The following ELMO1 variants were observed in gnomAD, a reference collection of about 807,000 sequenced individuals.
ELMO1 encodes the protein engulfment and cell motility 1, also known as engulfment and cell motility protein 1.
Under a neutral mutation model 98.9 loss-of-function variants are expected in ELMO1, and 26 were observed. The observed-to-expected ratio is 0.26, with a 90% CI of 0.19 to 0.36. The LOEUF (loss-of-function observed/expected upper bound fraction) is 0.36, where lower values mean the gene tolerates loss of function less well. Ranked by LOEUF, ELMO1 falls within the 10% of genes least tolerant of loss-of-function variation. The pLI is 1.00. For synonymous variants in ELMO1, 346 were observed against 346.0 expected (o/e 1.00, Z 0.00); for missense variants, 627 against 935.2 (o/e 0.67, Z 4.30).
chr7:37,133,418 T>C (rs1787059015), intron 13 of ELMO1, among the ~76,000 whole-genome samples, 184 bp from the exon 14 acceptor site: 1 of 152,124 alleles, frequency 6.6e-6, no homozygotes, highest in African/African-American at 2.4e-5. Flanking sequence ...TTTCTACTGC[T>C]CCTCAGGACA....
chr7:37,040,475 C>T (rs912000719), intron 15 of ELMO1, among the ~76,000 whole-genome samples: 2 of 152,096 alleles, frequency 1.3e-5, no homozygotes, highest in Non-Finnish European at 2.9e-5. Context: ...ACAGGAATGG[C>T]AAAAATGTAA....
At chr7:37,172,537 CAT>C (rs1279326788) in intron 13 of ELMO1, among the ~76,000 whole-genome samples, 3 of 152,184 alleles carry the variant, frequency 2.0e-5, no homozygotes, top group African/African-American at 7.2e-5. Context: ...GCTATTCTTT[CAT>C]AGACTTCATC....
At chr7:37,133,713 C>T (rs181906877) in intron 13 of ELMO1, among the ~76,000 whole-genome samples, 6 of 152,246 alleles carry the variant, frequency 3.9e-5, no homozygotes, top group Middle Eastern at 3.4e-3. Flanking sequence ...CATTGATGGG[C>T]TTTGTGAACT....
At chr7:36,943,692 C>T (rs1270677281) in intron 16 of ELMO1, among the ~76,000 whole-genome samples, 1 of 152,212 alleles carries the variant, frequency 6.6e-6, no homozygotes, top group Non-Finnish European at 1.5e-5. Context: ...TCACTCCTTA[C>T]TCAAGAAACA....
At chr7:37,324,168 T>C (rs1799670888) in intron 2 of ELMO1, among the ~76,000 whole-genome samples, 1 of 152,208 alleles carries the variant, frequency 6.6e-6, no homozygotes, top group African/African-American at 2.4e-5. Context: ...CACCTGTTCC[T>C]GTCTGTTGGC....
intron 1 of ELMO1, among the ~76,000 whole-genome samples, chr7:37,415,293 A>G (rs1342815166): frequency 6.6e-6 from 1 of 152,236 alleles, no homozygotes; most frequent in East Asian, 1.9e-4. Flanking sequence ...AAGTTATGTT[A>G]CGTGAAAATA....
intron 13 of ELMO1, among the ~76,000 whole-genome samples, chr7:37,210,152 T>C (rs913615710): frequency 6.6e-6 from 1 of 152,120 alleles, no homozygotes; most frequent in African/African-American, 2.4e-5. Flanking sequence ...GGAAAGCAAT[T>C]AGACAGTATC....
chr7:37,272,119 T>G (rs528420272), intron 4 of ELMO1, among the ~76,000 whole-genome samples: 1 of 152,170 alleles, frequency 6.6e-6, no homozygotes, highest in East Asian at 1.9e-4. Flanking sequence ...ACAAAAAAAG[T>G]AATTTTAAAA....
At chr7:37,255,617 CTT>C (rs1795598237) in intron 6 of ELMO1, among the ~76,000 whole-genome samples, 1 of 152,192 alleles carries the variant, frequency 6.6e-6, no homozygotes, top group Non-Finnish European at 1.5e-5. Context: ...GCTTTGCTGT[CTT>C]TACCACGGTA....
chr7:37,049,230 C>G (rs1337691568), intron 15 of ELMO1, among the ~76,000 whole-genome samples: 1 of 152,088 alleles, frequency 6.6e-6, no homozygotes, highest in Non-Finnish European at 1.5e-5. Flanking sequence ...GAGAGGGTCA[C>G]TGCCTGCAAC....
At chr7:37,278,216 G>C (rs537267825) in intron 4 of ELMO1, among the ~76,000 whole-genome samples, 1 of 143,536 alleles carries the variant, frequency 7.0e-6, no homozygotes, top group South Asian at 2.2e-4. Flanking sequence ...CCAGTTATGC[G>C]AATACTAATC....
chr7:37,111,241 T>C (rs1041677942), intron 14 of ELMO1, among the ~76,000 whole-genome samples: 3 of 152,184 alleles, frequency 2.0e-5, no homozygotes, highest in East Asian at 1.9e-4. Context: ...ACTGGACACA[T>C]GACTCACCCA....
intron 1 of ELMO1, chr7:37,343,002 G>T (rs1466635242): frequency 3.2e-6 from 1 of 316,042 alleles, no homozygotes; most frequent in African/African-American, 2.2e-5. Context: ...ACGCTGCCCT[G>T]TGGGGCACGG....
intron 2 of ELMO1, among the ~76,000 whole-genome samples, chr7:37,337,802 G>A (rs1800504182): frequency 6.6e-6 from 1 of 152,136 alleles, no homozygotes; most frequent in Admixed American, 6.5e-5. Flanking sequence ...AGAAATACTG[G>A]AGGCTTGAAG....
chr7:37,140,352 C>A (rs1355342875), intron 13 of ELMO1, among the ~76,000 whole-genome samples: 1 of 151,778 alleles, frequency 6.6e-6, no homozygotes, highest in Non-Finnish European at 1.5e-5. Flanking sequence ...CGCCAGTGCA[C>A]TCCAGCCTGG....
chr7:37,211,301 C>A, intron 13 of ELMO1, 85 bp downstream of exon 13: 2 of 1,588,888 alleles, frequency 1.3e-6, no homozygotes, highest in Non-Finnish European at 1.7e-6. Context: ...GAGGACCACA[C>A]GCTCGGAAGA....
chr7:37,366,242 G>C (rs1003917808), intron 1 of ELMO1, among the ~76,000 whole-genome samples: 10 of 151,628 alleles, frequency 6.6e-5, no homozygotes, highest in South Asian at 6.3e-4. Flanking sequence ...AGAATATCCA[G>C]CATTTTTTTC....
intron 13 of ELMO1, among the ~76,000 whole-genome samples, chr7:37,172,925 T>C (rs552167590): frequency 3.9e-5 from 6 of 152,274 alleles, no homozygotes; most frequent in African/African-American, 1.4e-4. Context: ...CTCAGCAAGC[T>C]CCTAGCAGAT....
chr7:37,371,161 AAAACTT>A (rs1712313688), intron 1 of ELMO1, among the ~76,000 whole-genome samples: 1 of 152,264 alleles, frequency 6.6e-6, no homozygotes, highest in Non-Finnish European at 1.5e-5. Context: ...AAGCCACTGA[AAAACTT>A]AGAATCATTC....
Sources: gnomAD v4.1 joint callset for allele counts (sites outside exome capture counted in the v4.1 genomes callset) on GRCh38, gnomAD v4.1.1 for gene constraint, MANE v1.5 for transcripts, NCBI Gene and HGNC (gene_info 2026-07-23, HGNC 2026-07-21) for gene names.